RGS6: variants seen among roughly 807,000 people sequenced by gnomAD.
The protein encoded by RGS6 is regulator of G protein signaling 6.
RGS6 carries 30 observed loss-of-function variants against 78.5 expected under a neutral mutation model. That is an observed-to-expected ratio of 0.38 (90% CI 0.29 to 0.52). The LOEUF (loss-of-function observed/expected upper bound fraction) is 0.52, where lower values mean the gene tolerates loss of function less well. Ranked by LOEUF, RGS6 falls within the 20% of genes least tolerant of loss-of-function variation. The pLI, the probability that RGS6 is intolerant of heterozygous loss-of-function variation, is 0.85. For synonymous variants in RGS6, 206 were observed against 206.0 expected, an observed-to-expected ratio of 1.00 and a Z score of 0.00; for missense variants, 495 against 609.7, an observed-to-expected ratio of 0.81 and a Z score of 1.98.
intron 2 of RGS6, among the ~76,000 whole-genome samples, chr14:72,055,522 C>T (rs894486706): frequency 6.6e-6 from 1 of 152,166 alleles, no homozygotes; most frequent in Non-Finnish European, 1.5e-5. Flanking sequence ...TTTTCTCACC[C>T]TCGCTAGAAA....
chr14:72,404,081 G>A (rs1257696961), intron 3 of RGS6, among the ~76,000 whole-genome samples: 1 of 152,220 alleles, frequency 6.6e-6, no homozygotes, highest in East Asian at 1.9e-4. Flanking sequence ...GGACAGTCAT[G>A]CACAGTGTTT....
intron 3 of RGS6, among the ~76,000 whole-genome samples, chr14:72,409,036 T>C (rs761816972): frequency 2.0e-5 from 3 of 152,234 alleles, no homozygotes; most frequent in Admixed American, 6.5e-5. Context: ...CGGAGTACAC[T>C]TGAATTACTT....
At chr14:71,893,668 G>C in the RGS6 span, among the ~76,000 whole-genome samples, 6 of 152,172 alleles carry the variant, frequency 3.9e-5, no homozygotes, top group African/African-American at 9.7e-5. Context: ...TTTTGGGGAA[G>C]AGCTGTACAT....
intron 2 of RGS6, among the ~76,000 whole-genome samples, chr14:72,017,119 A>G (rs938814416): frequency 1.3e-5 from 2 of 152,018 alleles, no homozygotes; most frequent in African/African-American, 4.8e-5. Flanking sequence ...TGCAGCCTCA[A>G]CCCTCCTGGG....
At chr14:72,344,285 A>T (rs1158280956) in intron 2 of RGS6, among the ~76,000 whole-genome samples, 2 of 152,186 alleles carry the variant, frequency 1.3e-5, no homozygotes, top group African/African-American at 4.8e-5. Flanking sequence ...AGGGGACAAA[A>T]CAAATAATGC....
intron 12 of RGS6, among the ~76,000 whole-genome samples, chr14:72,484,462 C>T (rs2096449633): frequency 6.6e-6 from 1 of 152,140 alleles, no homozygotes; most frequent in South Asian, 2.1e-4. Context: ...GGGATTCCTC[C>T]TAGGCATTGC....
rs35366814 is a variant in RGS6 at position 72,004,829 on chromosome 14, GTAAA to G, written c.84+39971_84+39974del. Among the ~76,000 whole-genome samples, 282 of 149,242 alleles carry G rather than the reference GTAAA, an allele frequency of 1.9e-3. 3 individuals are homozygous for G. The highest frequency in any genetic ancestry group is 6.7e-3 in the African/African-American group (263 of 39,106). ...TGACAGAGCAAGACCCTGTCTCAAA[GTAAA>G]TAAATAAATAAATAAAACAAACATA... On this transcript the variant is annotated intron_variant, in intron 2 of 17. Coordinates refer to ENST00000553525, the MANE Select transcript of RGS6 (RefSeq NM_001204424.2).
In RGS6 at chr14:72,256,792, T is replaced by C. The variant is rs138846835; in HGVS notation, c.85-95303T>C. On this transcript the variant is annotated intron_variant, in intron 2 of 17. Transcript: ENST00000553525. ...GCTGACTAGCTTTCTGTCATTGTCATAATTTTTAGAAAGGTGGTCTCACTC... is the reference window on the plus strand; with the variant it reads ...GCTGACTAGCTTTCTGTCATTGTCACAATTTTTAGAAAGGTGGTCTCACTC... Among the ~76,000 whole-genome samples, 242 of 152,346 alleles carry C rather than the reference T, an allele frequency of 1.6e-3. 1 individual carries two copies. The highest frequency in any genetic ancestry group is 5.7e-3 in the African/African-American group (238 of 41,588).
At chr14:72,167,052 A>AT (rs33942230) in intron 2 of RGS6, among the ~76,000 whole-genome samples, 1 of 151,920 alleles carries the variant, frequency 6.6e-6, no homozygotes, top group Non-Finnish European at 1.5e-5. Flanking sequence ...CAAATAAGTC[A>AT]TTTTTTTTTC....
chr14:72,554,476 G>A (rs531880020), intron 17 of RGS6, among the ~76,000 whole-genome samples: 66 of 152,346 alleles, frequency 4.3e-4, no homozygotes, highest in African/African-American at 1.1e-3. Context: ...TCAACTTGTT[G>A]CCAATAGCAA....
At chr14:72,615,348 A>T in the RGS6 span, among the ~76,000 whole-genome samples, 1 of 152,202 alleles carries the variant, frequency 6.6e-6, no homozygotes, top group African/African-American at 2.4e-5. Flanking sequence ...GGCATAAAAG[A>T]GCACAGGTCT....
In RGS6 at chr14:72,562,675, G is replaced by T; in HGVS notation, c.*208G>T. On this transcript the variant is annotated 3_prime_UTR_variant, in exon 18 of 18. Coordinates refer to ENST00000553525, the MANE Select transcript of RGS6 (RefSeq NM_001204424.2). Reference sequence around the variant, plus strand: ...AGTCCACAGAGCCTGGGCTGGGCCCGGTGGAGGCTCCTGTTTACAGCCCTC... The same window carrying T: ...AGTCCACAGAGCCTGGGCTGGGCCCTGTGGAGGCTCCTGTTTACAGCCCTC... 6 of 1,536,158 alleles carry T rather than the reference G, an allele frequency of 3.9e-6. No individual in the cohort carries two copies. Among genetic ancestry groups the T allele is most frequent in the South Asian group, 1.2e-5 (1 of 84,048 alleles).
In RGS6 at chr14:72,184,352, G is replaced by A. The variant is rs544379161; in HGVS notation, c.85-167743G>A. Among the ~76,000 whole-genome samples the A allele has an allele frequency of 4.3e-5, 6 of 139,274 alleles. No homozygotes were observed. In the East Asian group the frequency reaches 1.3e-3, roughly 30 times the overall value. The allele number at this position is 139,274 out of a possible 152,430, so 91.4% of individuals were successfully genotyped here. A position where few individuals can be genotyped will look rare whatever the true frequency, so the allele number is the denominator to read the frequency against. On this transcript the variant is annotated intron_variant, in intron 2 of 17. Transcript: ENST00000553525. The stretch of plus-strand genomic sequence containing the variant: ...AAAGTGATTTCTTGTTCATATAACA[G>A]AAGTATTTTACTTTCAAACACACAC...
intron 2 of RGS6, among the ~76,000 whole-genome samples, chr14:72,282,644 A>G (rs1272283975): frequency 6.6e-6 from 1 of 152,186 alleles, no homozygotes; most frequent in Non-Finnish European, 1.5e-5. Flanking sequence ...CACATATTTC[A>G]TGTGTACATT....
intron 17 of RGS6, among the ~76,000 whole-genome samples, chr14:72,560,299 C>T (rs898023017): frequency 1.3e-5 from 2 of 152,182 alleles, no homozygotes; most frequent in African/African-American, 2.4e-5. Context: ...GGAGAGCAAA[C>T]TTCCTTTGTG....
At chr14:72,591,767 C>T in the RGS6 span, among the ~76,000 whole-genome samples, 3 of 152,204 alleles carry the variant, frequency 2.0e-5, no homozygotes, top group African/African-American at 7.2e-5. Flanking sequence ...TAAACACCCA[C>T]ACATAAAAAC....
At chr14:72,364,479 G>C (rs944397531) in intron 3 of RGS6, among the ~76,000 whole-genome samples, 1 of 152,242 alleles carries the variant, frequency 6.6e-6, no homozygotes, top group East Asian at 1.9e-4. Flanking sequence ...AGACTTTCTA[G>C]CCATTTGAGA....
rs1161107651 is a variant in RGS6 at position 72,465,785 on chromosome 14, A to C, written c.422A>C (p.Gln141Pro). ...ATCTATCTCTGTAAGAGGACAATGC[A>C]AAATAAAGCAAGGCTGGAACTGGCA... ...YAIYLCKRTM[Q>P]NKARLELADY... The change falls in exon 7 of 18, where the codon CAA (glutamine) becomes CCA (proline). Residue 141 changes from glutamine (Q) to proline (P), a missense_variant. Physicochemically the swap from Gln to Pro is moderately conservative, Grantham distance 76. Coordinates refer to ENST00000553525, the MANE Select transcript of RGS6 (RefSeq NM_001204424.2). 6.2e-7 allele frequency: 1 copy of C among 1,614,020 alleles called. No individual in the cohort carries two copies. Among genetic ancestry groups the C allele is most frequent in the South Asian group, 1.1e-5 (1 of 91,082 alleles).
At chr14:72,163,283 A>G (rs1280691127) in intron 2 of RGS6, among the ~76,000 whole-genome samples, 2 of 152,270 alleles carry the variant, frequency 1.3e-5, no homozygotes, top group African/African-American at 4.8e-5. Context: ...GGGAAATTAA[A>G]ACTCTAATTG....
Sources: allele counts gnomAD v4.1 joint callset (sites outside exome capture counted in the v4.1 genomes callset), GRCh38; gene constraint gnomAD v4.1.1; transcripts MANE v1.5; gene names NCBI Gene and HGNC (gene_info 2026-07-23, HGNC 2026-07-21).